Variants in UGT1A7 observed in about 807,000 individuals in gnomAD.
UGT1A7 encodes UDP glucuronosyltransferase family 1 member A7, also known as UDP-glucuronosyltransferase 1A7.
UGT1A7 carries 33 observed loss-of-function variants against 45.6 expected under a neutral mutation model. The ratio of observed to expected loss-of-function variants is 0.72; its 90% CI spans 0.55 to 0.97. The LOEUF (loss-of-function observed/expected upper bound fraction) is 0.97. Among genes scored for constraint, UGT1A7 ranks in the 50% least tolerant of loss-of-function variants. UGT1A7 has a pLI of 0.00. For missense variants in UGT1A7, 684 were observed against 666.2 expected (o/e 1.03, Z -0.29); for synonymous variants, 274 against 250.6 (o/e 1.09, Z -0.88).
At chr2:233,710,142 A>G (rs971862599) in intron 1 of UGT1A7, among the ~76,000 whole-genome samples, 1 of 152,224 alleles carries the variant, frequency 6.6e-6, no homozygotes, top group Non-Finnish European at 1.5e-5. Context: ...CATTGTATAG[A>G]TATATCATCA....
At chr2:233,705,665 T>A (rs140439487) in intron 1 of UGT1A7, among the ~76,000 whole-genome samples, 1 of 152,330 alleles carries the variant, frequency 6.6e-6, no homozygotes, top group African/African-American at 2.4e-5. Flanking sequence ...AAATTATAGT[T>A]GTGAGATAAT....
At chr2:233,748,101 C>T in intron 1 of UGT1A7, 2 of 1,612,622 alleles carry the variant, frequency 1.2e-6, no homozygotes, top group Non-Finnish European at 1.7e-6. Flanking sequence ...TGCCTTCATC[C>T]AATCAATGTT....
At chr2:233,736,410 T>C (rs1179819701) in intron 1 of UGT1A7, among the ~76,000 whole-genome samples, 1 of 152,232 alleles carries the variant, frequency 6.6e-6, no homozygotes, top group Non-Finnish European at 1.5e-5. Flanking sequence ...TAGGCATTCA[T>C]CTAACCTTTT....
In UGT1A7 at chr2:233,760,262, G is replaced by A. The variant is rs547805333; in HGVS notation, c.856-6772G>A. 2.2e-5 allele frequency: 35 copies of A among 1,611,676 alleles called. No individual in the cohort carries two copies. In the South Asian group the frequency reaches 3.4e-4, roughly 16 times the overall value. ...TATATATATATAAGTAGGAGAGGGC[G>A]AACCTCTGGCAGGAGCAAAGGCGCC... On this transcript the variant is annotated intron_variant, in intron 1 of 4. Transcript: ENST00000373426.
chr2:233,709,060 T>C (rs1267466061), intron 1 of UGT1A7, among the ~76,000 whole-genome samples: 1 of 151,506 alleles, frequency 6.6e-6, no homozygotes, highest in East Asian at 1.9e-4. Flanking sequence ...GGATTCCTAG[T>C]TAAAGTTCTT....
At chr2:233,770,826 A>G (rs1269125180) in intron 4 of UGT1A7, 5 of 152,196 alleles carry the variant, frequency 3.3e-5, no homozygotes, top group Admixed American at 3.3e-4. Context: ...CTGTTCTTGC[A>G]TTGCTGTAAA....
chr2:233,763,100 C>T (rs888370802), intron 1 of UGT1A7, among the ~76,000 whole-genome samples: 9 of 152,128 alleles, frequency 5.9e-5, no homozygotes, highest in Non-Finnish European at 7.3e-5. Context: ...GGAGAGGCAC[C>T]GAACTTTATC....
intron 1 of UGT1A7, chr2:233,741,005 T>G (rs1691537974): frequency 6.6e-6 from 1 of 151,828 alleles, no homozygotes; most frequent in African/African-American, 2.4e-5. Context: ...AAGGATCACT[T>G]GAGCCCAGGA....
intron 1 of UGT1A7, chr2:233,729,385 G>A (rs1328190991): frequency 1.9e-6 from 3 of 1,613,954 alleles, no homozygotes; most frequent in African/African-American, 1.3e-5. Flanking sequence ...GTGGACCCAG[G>A]ATGAATTTGA....
At chr2:233,709,460 A>G (rs1297952220) in intron 1 of UGT1A7, among the ~76,000 whole-genome samples, 3 of 152,134 alleles carry the variant, frequency 2.0e-5, no homozygotes, top group African/African-American at 7.2e-5. Context: ...TAAAGCAATC[A>G]TTTTGGGGCT....
intron 1 of UGT1A7, among the ~76,000 whole-genome samples, chr2:233,750,053 G>A (rs1694341640): frequency 6.6e-6 from 1 of 151,850 alleles, no homozygotes. Flanking sequence ...ATGTGGAAGT[G>A]ACTTTGGAAC....
chr2:233,684,844 T>C (rs1025882496), intron 1 of UGT1A7, among the ~76,000 whole-genome samples: 5 of 152,234 alleles, frequency 3.3e-5, no homozygotes, highest in African/African-American at 4.8e-5. Context: ...TTATGGACAC[T>C]GTATAGTGTT....
rs28934877 is a variant in UGT1A7 at position 233,768,333 on chromosome 2, A to G, written c.1189A>G (p.Asn397Asp). The G allele has an allele frequency of 9.9e-6, 16 of 1,614,100 alleles. No homozygotes were observed. The highest frequency in any genetic ancestry group is 1.2e-5 in the Non-Finnish European group (14 of 1,180,052). Residue 397 changes from asparagine (N) to aspartate (D), a missense_variant, in exon 4 of 5, where the codon AAT becomes GAT. Coordinates refer to ENST00000373426, the MANE Select transcript of UGT1A7 (RefSeq NM_019077.3). Reference sequence around the variant, plus strand: ...GCCCTTGTTTGGTGATCAGATGGACAATGCAAAGCGCATGGAGACTAAGGG... The same window carrying G: ...GCCCTTGTTTGGTGATCAGATGGACGATGCAAAGCGCATGGAGACTAAGGG... ...MMPLFGDQMD[N>D]AKRMETKGAG...
chr2:233,747,565 A>G, intron 1 of UGT1A7: 1 of 1,593,778 alleles, frequency 6.3e-7, no homozygotes, highest in Non-Finnish European at 8.6e-7. Flanking sequence ...GCAATTTTGA[A>G]AAATTCATCT....
chr2:233,697,076 G>T (rs2075374196), intron 1 of UGT1A7, among the ~76,000 whole-genome samples: 1 of 151,938 alleles, frequency 6.6e-6, no homozygotes, highest in African/African-American at 2.4e-5. Context: ...TTGGTATCAG[G>T]GTAACACTGG....
rs760166727 is a variant in UGT1A7 at position 233,760,242 on chromosome 2, A to G, written c.856-6792A>G. ...ATCGATTGGTTTTTGCCATATATAT[A>G]TATATAAGTAGGAGAGGGCGAACCT... On this transcript the variant is annotated intron_variant, in intron 1 of 4. Coordinates refer to ENST00000373426, the MANE Select transcript of UGT1A7 (RefSeq NM_019077.3). The G allele has an allele frequency of 7.2e-5, 116 of 1,607,556 alleles. 3 individuals carry two copies. The Admixed American group carries it at 1.9e-3, about 26-fold the overall frequency.
At chr2:233,712,570 G>T (rs2125629003) in intron 1 of UGT1A7, among the ~76,000 whole-genome samples, 1 of 152,240 alleles carries the variant, frequency 6.6e-6, no homozygotes, top group South Asian at 2.1e-4. Flanking sequence ...TAGCAAATAG[G>T]GTCACATCCA....
intron 1 of UGT1A7, among the ~76,000 whole-genome samples, chr2:233,744,391 C>A (rs1383619511): frequency 6.6e-6 from 1 of 151,826 alleles, no homozygotes; most frequent in Non-Finnish European, 1.5e-5. Flanking sequence ...ACGTTCCAGC[C>A]CCGGTGCCCA....
intron 1 of UGT1A7, among the ~76,000 whole-genome samples, chr2:233,686,945 C>G (rs1438095246): frequency 1.3e-5 from 2 of 152,326 alleles, no homozygotes; most frequent in African/African-American, 2.4e-5. Context: ...TGCAGGGAAG[C>G]TGTCAGTAAT....
Sources: gnomAD v4.1 joint callset for allele counts (sites outside exome capture counted in the v4.1 genomes callset) on GRCh38, gnomAD v4.1.1 for gene constraint, MANE v1.5 for transcripts, NCBI Gene and HGNC (gene_info 2026-07-23, HGNC 2026-07-21) for gene names.